Variants in RANBP3L observed in about 807,000 individuals in gnomAD.
RANBP3L encodes the protein RAN binding protein 3 like.
In RANBP3L, 56 loss-of-function variants were observed where a neutral mutation model predicts 67.2. The ratio of observed to expected loss-of-function variants is 0.83; its 90% confidence interval spans 0.67 to 1.04. The LOEUF (loss-of-function observed/expected upper bound fraction) is 1.04, where lower values mean the gene tolerates loss of function less well. Among genes scored for constraint, RANBP3L ranks in the 50% least tolerant of loss-of-function variants. The probability of loss-of-function intolerance (pLI) is 0.00; values close to 1 mark genes in which losing one functional copy is unlikely to be tolerated. For synonymous variants in RANBP3L, 164 were observed against 181.4 expected (o/e 0.90, Z 0.77); for missense variants, 496 against 535.5 (o/e 0.93, Z 0.73).
chr5:36,271,756 T>C (rs1281628728), intron 1 of RANBP3L, among the ~76,000 whole-genome samples: 1 of 152,166 alleles, frequency 6.6e-6, no homozygotes, highest in Non-Finnish European at 1.5e-5. Flanking sequence ...CCTTAAAATA[T>C]CCAGAAATAA....
In RANBP3L at chr5:36,290,215, CTG is replaced by C. The variant is rs1751622484; in HGVS notation, c.91+11109_91+11110del. Reference sequence around the variant, plus strand: ...CCTCATACTGGTGGTTTCTCTCTCTCTGTCTCACCTTTTTTTTTTTTTCTTAG... The same window carrying C: ...CCTCATACTGGTGGTTTCTCTCTCTCTCTCACCTTTTTTTTTTTTTCTTAG... On this transcript the variant is annotated intron_variant, in intron 1 of 13. Coordinates refer to ENST00000296604, the MANE Select transcript of RANBP3L (RefSeq NM_145000.5). Among the ~76,000 whole-genome samples, 4 of 120,738 alleles carry C rather than the reference CTG, an allele frequency of 3.3e-5. No individual in the cohort carries two copies. In the South Asian group the frequency reaches 1.2e-3, roughly 35 times the overall value. 79.2% of individuals were successfully genotyped at this position (120,738 alleles called of 152,430 possible).
chr5:36,263,648 C>T (rs573348150), intron 6 of RANBP3L, among the ~76,000 whole-genome samples: 22 of 152,232 alleles, frequency 1.4e-4, no homozygotes, highest in Admixed American at 1.3e-4. Flanking sequence ...CTCCACTTCC[C>T]GGGTTCAAGC....
chr5:36,296,755 A>G (rs1156349424), intron 1 of RANBP3L, among the ~76,000 whole-genome samples: 10 of 152,154 alleles, frequency 6.6e-5, no homozygotes, highest in Admixed American at 6.5e-4. Context: ...ATGTTTTTGA[A>G]TGAGGTTTAC....
chr5:36,284,946 C>A (rs1307407972), intron 1 of RANBP3L, among the ~76,000 whole-genome samples: 1 of 152,192 alleles, frequency 6.6e-6, no homozygotes, highest in Non-Finnish European at 1.5e-5. Flanking sequence ...CCAAGTCCTT[C>A]TCAGGTACTT....
intron 4 of RANBP3L, chr5:36,268,406 A>G: frequency 5.6e-6 from 3 of 536,758 alleles, no homozygotes; most frequent in Non-Finnish European, 9.8e-6. Flanking sequence ...AAAAATGAGT[A>G]CATCTGATGA....
At chr5:36,256,538 A>G (rs1327007184) in intron 10 of RANBP3L, among the ~76,000 whole-genome samples, 1 of 152,182 alleles carries the variant, frequency 6.6e-6, no homozygotes, top group African/African-American at 2.4e-5. Flanking sequence ...GCTAAATTTT[A>G]TATGAAATTC....
At position 36,292,238 on chromosome 5, in the gene RANBP3L, G is replaced by C. The variant is rs951741847; in HGVS notation, c.91+9088C>G. On this transcript the variant is annotated intron_variant, in intron 1 of 13. Coordinates refer to ENST00000296604, the MANE Select transcript of RANBP3L (RefSeq NM_145000.5). ...TGTTCATGTCCTTCACCCACTTTTT[G>C]ATGGGGTTGTTTGTTTTTTTCTTGT... is the stretch of plus-strand genomic sequence containing the variant. Among the ~76,000 whole-genome samples the C allele has an allele frequency of 4.0e-4, 61 of 152,076 alleles. 1 individual carries two copies. Among genetic ancestry groups the C allele is most frequent in the South Asian group, 2.3e-3 (11 of 4,818 alleles).
At chr5:36,289,693 T>C (rs996189423) in intron 1 of RANBP3L, among the ~76,000 whole-genome samples, 1 of 152,170 alleles carries the variant, frequency 6.6e-6, no homozygotes, top group Non-Finnish European at 1.5e-5. Context: ...TCAGCTAATA[T>C]ATAGAAATAC....
At chr5:36,284,025 C>T (rs952531490) in intron 1 of RANBP3L, among the ~76,000 whole-genome samples, 3 of 151,884 alleles carry the variant, frequency 2.0e-5, no homozygotes, top group Non-Finnish European at 2.9e-5. Context: ...CTCTTGTTGC[C>T]CAGGCTGGAG....
intron 1 of RANBP3L, among the ~76,000 whole-genome samples, chr5:36,277,959 A>C (rs1750712391): frequency 6.6e-6 from 1 of 152,128 alleles, no homozygotes; most frequent in Non-Finnish European, 1.5e-5. Context: ...TTCCCTTTAT[A>C]AAACCACCAG....
At position 36,265,079 on chromosome 5, in the gene RANBP3L, T is replaced by C. The variant is rs1749666449; in HGVS notation, c.360A>G (p.Lys120=). 6.2e-7 allele frequency: 1 copy of C among 1,606,816 alleles called. No homozygotes were observed. The highest frequency in any genetic ancestry group is 1.3e-5 in the African/African-American group (1 of 74,718). ...GCAAAATAGCAGGTCTAATAACATG[T>C]TTAGAATGTTTCACAGGACCTTAAA... ...SAEQGPVKHS[K]HVIRPAILQL... The change falls in exon 6 of 14, where the codon AAA becomes AAG. Residue 120 remains lysine, a synonymous_variant. Transcript: ENST00000296604.
intron 1 of RANBP3L, among the ~76,000 whole-genome samples, chr5:36,292,280 A>C (rs1286273463): frequency 1.3e-5 from 2 of 151,550 alleles, no homozygotes; most frequent in African/African-American, 4.8e-5. Flanking sequence ...GTTTGAGTTC[A>C]TTGTAGATTC....
chr5:36,252,144 G>A (rs897130192), intron 12 of RANBP3L, among the ~76,000 whole-genome samples: 2 of 152,086 alleles, frequency 1.3e-5, no homozygotes, highest in South Asian at 4.1e-4. Flanking sequence ...AGCAGCACAG[G>A]TATTAAATAT....
chr5:36,266,616 T>A (rs1357385627), intron 4 of RANBP3L, among the ~76,000 whole-genome samples: 1 of 152,206 alleles, frequency 6.6e-6, no homozygotes, highest in Non-Finnish European at 1.5e-5. Context: ...AATCTTTCTT[T>A]TTGTGTGAGT....
At chr5:36,256,613 A>G (rs1748992720) in intron 10 of RANBP3L, among the ~76,000 whole-genome samples, 1 of 152,084 alleles carries the variant, frequency 6.6e-6, no homozygotes, top group Non-Finnish European at 1.5e-5. Context: ...ACATTGTTAA[A>G]CGTGTAAGTA....
intron 1 of RANBP3L, among the ~76,000 whole-genome samples, chr5:36,292,342 T>C (rs1441781844): frequency 2.0e-5 from 3 of 151,812 alleles, no homozygotes; most frequent in Non-Finnish European, 4.4e-5. Flanking sequence ...TTCTCCCATT[T>C]TGTAGGTTGC....
intron 6 of RANBP3L, among the ~76,000 whole-genome samples, chr5:36,263,443 T>C (rs1052358025): frequency 6.6e-6 from 1 of 152,230 alleles, no homozygotes; most frequent in East Asian, 1.9e-4. Flanking sequence ...AATTAAAATC[T>C]TGCTCTATAT....
At chr5:36,260,197 C>CA (rs35239153) in intron 8 of RANBP3L, among the ~76,000 whole-genome samples, 59,692 of 139,724 alleles carry the variant, frequency 0.43, 14,293 homozygotes, top group Non-Finnish European at 0.56. Flanking sequence ...ACTAAAAATA[C>CA]AAAAAAAAAA....
chr5:36,255,197 C>G (rs1351852940), intron 11 of RANBP3L, among the ~76,000 whole-genome samples: 2 of 151,928 alleles, frequency 1.3e-5, no homozygotes, highest in African/African-American at 4.8e-5. Flanking sequence ...ACAGTTATTC[C>G]CATTTTAAAT....
Sources: gnomAD v4.1 joint callset for allele counts (sites outside exome capture counted in the v4.1 genomes callset) on GRCh38, gnomAD v4.1.1 for gene constraint, MANE v1.5 for transcripts, NCBI Gene and HGNC (gene_info 2026-07-23, HGNC 2026-07-21) for gene names.